Variants in CDH19 observed in about 807,000 individuals in gnomAD.
CDH19 encodes cadherin 19.
In CDH19, 67 loss-of-function variants were observed where a neutral mutation model predicts 64.2. The observed-to-expected ratio is 1.04, with a 90% CI of 0.86 to 1.28. The LOEUF (loss-of-function observed/expected upper bound fraction) is 1.28. Ranked by LOEUF, CDH19 falls within the 50% of genes most tolerant of loss-of-function variation. The probability of loss-of-function intolerance (pLI) is 0.00; values close to 1 mark genes in which losing one functional copy is unlikely to be tolerated. For synonymous variants in CDH19, 346 were observed against 319.3 expected (o/e 1.08, Z -0.89); for missense variants, 1,030 against 929.0 (o/e 1.11, Z -1.41).
chr18:66,553,416 G>T lies in CDH19; in HGVS notation c.610+989C>A, dbSNP rs1218727164. Among the ~76,000 whole-genome samples, 3 of 133,584 alleles carry T rather than the reference G, an allele frequency of 2.2e-5. 1 individual carries two copies. Among genetic ancestry groups the T allele is most frequent in the Non-Finnish European group, 4.6e-5 (3 of 65,482 alleles). 87.6% of individuals were successfully genotyped at this position (133,584 alleles called of 152,430 possible). Reference sequence around the variant, plus strand: ...ATAAAGGCCATGTACATTCCTGAGAGAATTAAGAACATAGGTACTCAAATA... The same window carrying T: ...ATAAAGGCCATGTACATTCCTGAGATAATTAAGAACATAGGTACTCAAATA... On this transcript the variant is annotated intron_variant, in intron 4 of 11. Coordinates refer to ENST00000262150, the MANE Select transcript of CDH19 (RefSeq NM_021153.4).
chr18:66,533,318 T>G (rs1458306441), intron 8 of CDH19, among the ~76,000 whole-genome samples: 1 of 151,934 alleles, frequency 6.6e-6, no homozygotes, highest in East Asian at 1.9e-4. Flanking sequence ...ACATTTAGGA[T>G]GAAAATAAAT....
At chr18:66,579,586 A>G (rs1205464492) in intron 1 of CDH19, among the ~76,000 whole-genome samples, 2 of 152,024 alleles carry the variant, frequency 1.3e-5, no homozygotes, top group African/African-American at 4.8e-5. Context: ...CACAAAATTG[A>G]TCTAGTTTAT....
intron 1 of CDH19, among the ~76,000 whole-genome samples, chr18:66,592,525 C>T (rs1483041057): frequency 1.3e-5 from 2 of 151,604 alleles, no homozygotes; most frequent in African/African-American, 4.8e-5. Context: ...AACAATCTTT[C>T]CCCATTTCCT....
At chr18:66,534,157 T>A (rs554822377) in intron 8 of CDH19, among the ~76,000 whole-genome samples, 2 of 152,082 alleles carry the variant, frequency 1.3e-5, no homozygotes, top group South Asian at 4.1e-4. Context: ...AAAATAAACA[T>A]CTTTGCATTT....
rs1435885004 is a variant in CDH19 at position 66,553,825 on chromosome 18, T to C, written c.610+580A>G. The stretch of plus-strand genomic sequence containing the variant: ...TGTGTTCTACTTATTTTATATTCAA[T>C]TGATTAATGCAGATTGGTAGAGCAA... On this transcript the variant is annotated intron_variant, in intron 4 of 11. Transcript: ENST00000262150. Among the ~76,000 whole-genome samples the C allele has an allele frequency of 2.2e-5, 3 of 134,646 alleles. 1 individual carries two copies. Among genetic ancestry groups the C allele is most frequent in the African/African-American group, 1.0e-4 (3 of 29,374 alleles). The allele number at this position is 134,646 out of a possible 152,430, so 88.3% of individuals were successfully genotyped here.
chr18:66,525,458 C>G (rs1986185336), intron 9 of CDH19, among the ~76,000 whole-genome samples: 1 of 151,916 alleles, frequency 6.6e-6, no homozygotes, highest in Non-Finnish European at 1.5e-5. Flanking sequence ...TTTAGTGGCA[C>G]TTTGGGAGGC....
At chr18:66,585,951 T>C (rs1209034360) in intron 1 of CDH19, among the ~76,000 whole-genome samples, 1 of 152,116 alleles carries the variant, frequency 6.6e-6, no homozygotes, top group Admixed American at 6.6e-5. Flanking sequence ...AGAAGACTAA[T>C]TACGACTTAA....
At position 66,502,580 on chromosome 18, in the gene CDH19, C is replaced by T. The variant is rs1156968643; in HGVS notation, c.*2232G>A. The stretch of plus-strand genomic sequence containing the variant: ...TTAGTTTTCTACTAAGATTACCTAG[C>T]ATTCTTTTTAAATAAAGGAAACAAC... On this transcript the variant is annotated 3_prime_UTR_variant, in exon 12 of 12. Coordinates refer to ENST00000262150, the MANE Select transcript of CDH19 (RefSeq NM_021153.4). The T allele has an allele frequency of 6.6e-6, 1 of 151,888 alleles. No homozygotes were observed. Among genetic ancestry groups the T allele is most frequent in the South Asian group, 2.1e-4 (1 of 4,832 alleles). 9.4% of individuals were successfully genotyped at this position (151,888 alleles called of 1,614,324 possible). A position where few individuals can be genotyped will look rare whatever the true frequency, so the allele number is the denominator to read the frequency against.
intron 1 of CDH19, among the ~76,000 whole-genome samples, chr18:66,594,747 T>C (rs1424186233): frequency 6.7e-6 from 1 of 149,604 alleles, no homozygotes; most frequent in Non-Finnish European, 1.5e-5. Context: ...CAGTAAACTA[T>C]CGCAAGAACA....
At chr18:66,587,596 A>C (rs1279171690) in intron 1 of CDH19, among the ~76,000 whole-genome samples, 2 of 152,174 alleles carry the variant, frequency 1.3e-5, no homozygotes, top group East Asian at 1.9e-4. Flanking sequence ...TACTAACAAG[A>C]TATGAGTAAA....
At chr18:66,513,464 A>G (rs1985589427) in intron 9 of CDH19, among the ~76,000 whole-genome samples, 1 of 151,510 alleles carries the variant, frequency 6.6e-6, no homozygotes, top group Non-Finnish European at 1.5e-5. Flanking sequence ...AGACACAGAC[A>G]TAAAATGAGT....
intron 1 of CDH19, among the ~76,000 whole-genome samples, chr18:66,592,737 A>G (rs1179265173): frequency 6.6e-6 from 1 of 151,878 alleles, no homozygotes; most frequent in Non-Finnish European, 1.5e-5. Flanking sequence ...CTATGGCTGA[A>G]TAGTATTTCA....
chr18:66,530,441 A>G (rs941384154), intron 8 of CDH19, among the ~76,000 whole-genome samples: 11 of 152,110 alleles, frequency 7.2e-5, no homozygotes, highest in Admixed American at 5.2e-4. Flanking sequence ...ATAACAAAAA[A>G]AATTCTGTGA....
chr18:66,535,571 A>C (rs1986629798), intron 7 of CDH19, among the ~76,000 whole-genome samples: 1 of 148,552 alleles, frequency 6.7e-6, no homozygotes, highest in Non-Finnish European at 1.5e-5. Context: ...GGAAACCTGA[A>C]AGACTTCTGA....
intron 1 of CDH19, among the ~76,000 whole-genome samples, chr18:66,596,611 TATA>T (rs2093735793): frequency 6.6e-6 from 1 of 152,066 alleles, no homozygotes; most frequent in Admixed American, 6.6e-5. Flanking sequence ...GTAATTTCTC[TATA>T]ATGAGAGTTA....
intron 3 of CDH19, among the ~76,000 whole-genome samples, chr18:66,554,943 G>C (rs2144524761): frequency 6.6e-6 from 1 of 151,904 alleles, no homozygotes; most frequent in African/African-American, 2.4e-5. Context: ...GGAGAAGGTT[G>C]ATAAATATTT....
chr18:66,528,694 T>A (rs1986318431), intron 9 of CDH19, among the ~76,000 whole-genome samples: 1 of 152,122 alleles, frequency 6.6e-6, no homozygotes, highest in African/African-American at 2.4e-5. Context: ...AGTTTAATAA[T>A]CAGTAACAGT....
Position 66,554,512 on chromosome 18 carries a change from A to T in CDH19, c.503T>A (p.Ile168Asn), listed in dbSNP as rs913046986. Residue 168 changes from isoleucine (I) to asparagine (N), a missense_variant, in exon 4 of 12, where the codon ATC (isoleucine) becomes AAC (asparagine). Coordinates refer to ENST00000262150, the MANE Select transcript of CDH19 (RefSeq NM_021153.4). ...GTCAGCATCACTTGCTGTCACCTGG[A>T]TAACTAATGTTCCTAAAGAGAACAT... ...PEMSPEGTLV[I>N]QVTASDADDP... The T allele has an allele frequency of 6.2e-7, 1 of 1,611,248 alleles. No homozygotes were observed. Among genetic ancestry groups the T allele is most frequent in the Non-Finnish European group, 8.5e-7 (1 of 1,178,032 alleles).
At chr18:66,524,569 T>TATATATATATATATATATA (rs1276593665) in intron 9 of CDH19, among the ~76,000 whole-genome samples, 1 of 135,164 alleles carries the variant, frequency 7.4e-6, no homozygotes, top group Non-Finnish European at 1.6e-5. Flanking sequence ...TATATATATA[T>TATATATATATATATATATA]AAACATCATC....
Sources: gnomAD v4.1 joint callset for allele counts (sites outside exome capture counted in the v4.1 genomes callset) on GRCh38, gnomAD v4.1.1 for gene constraint, MANE v1.5 for transcripts, NCBI Gene and HGNC (gene_info 2026-07-23, HGNC 2026-07-21) for gene names.